Variants in SCNN1A observed in about 807,000 individuals in gnomAD.
SCNN1A encodes the protein sodium channel epithelial 1 subunit alpha.
In SCNN1A, 65 loss-of-function variants were observed where a neutral mutation model predicts 68.6. That is an observed-to-expected ratio of 0.95 (90% CI 0.78 to 1.16). The LOEUF is 1.16. SCNN1A is among the 50% of genes most tolerant of loss of function. The pLI is 0.00. For synonymous variants in SCNN1A, 357 were observed against 353.3 expected (o/e 1.01, Z -0.12); for missense variants, 880 against 865.9 (o/e 1.02, Z -0.20).
At position 6,374,193 on chromosome 12, in the gene SCNN1A, C is replaced by T. The variant is rs1436210190; in HGVS notation, c.416+175G>A. 6.6e-6 allele frequency among the ~76,000 whole-genome samples: 1 copy of T among 152,190 alleles called. No homozygotes were observed. The highest frequency in any genetic ancestry group is 1.5e-5 in the Non-Finnish European group (1 of 68,028). On this transcript the variant is annotated intron_variant, in intron 2 of 12. Transcript: ENST00000228916. The surrounding 1 kb of genome is among the most constrained non-coding windows in gnomAD (Gnocchi z 6.2). ...CTAGGATGGCTCCACTGGGCAGGGACGCCAGTCCAGTAAGCTGGAGGCTCC... is the reference window on the plus strand; with the variant it reads ...CTAGGATGGCTCCACTGGGCAGGGATGCCAGTCCAGTAAGCTGGAGGCTCC...
In SCNN1A at chr12:6,348,201, G is replaced by A. The variant is rs1419350836; in HGVS notation, c.1682C>T (p.Ser561Phe). 6.2e-7 allele frequency: 1 copy of A among 1,614,122 alleles called. No homozygotes were observed. The highest frequency in any genetic ancestry group is 1.7e-5 in the Admixed American group (1 of 60,020). The change falls in exon 13 of 13, where the codon TCC becomes TTC. Residue 561 changes from serine (S) to phenylalanine (F), a missense_variant. Physicochemically the swap from Ser to Phe is radical, Grantham distance 155. Coordinates refer to ENST00000228916, the MANE Select transcript of SCNN1A (RefSeq NM_001038.6). ...LGSQWSLWFG[S>F]SVLSVVEMAE... ...CATCTCCACCACAGACAACACCGAG[G>A]AGCCGAACCACAGGCTCCACTGGCT...
chr12:6,372,534 C>T lies in SCNN1A; in HGVS notation c.416+1834G>A, dbSNP rs142329200. 3.9e-4 allele frequency among the ~76,000 whole-genome samples: 60 copies of T among 152,362 alleles called. No homozygotes were observed. Among genetic ancestry groups the T allele is most frequent in the African/African-American group, 1.3e-3 (56 of 41,588 alleles). ...GGCAGGGCTTATGGCTTCCTTTCCC[C>T]GGCTTTTTCCTGGACTGTCTAGGGC... On this transcript the variant is annotated intron_variant, in intron 2 of 12. Transcript: ENST00000228916. This position sits in a 1 kb window ranked among gnomAD's most constrained non-coding sequence, Gnocchi z 5.8.
intron 4 of SCNN1A, among the ~76,000 whole-genome samples, chr12:6,360,083 A>G (rs1246217690): frequency 6.6e-6 from 1 of 152,166 alleles, no homozygotes; most frequent in East Asian, 1.9e-4. Context: ...ATATTCCTTT[A>G]TAGCAACACA....
At chr12:6,373,139 T>TTTC (rs1555114939) in intron 2 of SCNN1A, among the ~76,000 whole-genome samples, 2 of 151,944 alleles carry the variant, frequency 1.3e-5, no homozygotes, top group Admixed American at 1.3e-4. Context: ...GCTTTTTTTT[T>TTTC]TCTCTCTCTC....
chr12:6,355,782 T>C lies in SCNN1A; in HGVS notation c.974A>G (p.Asn325Ser), dbSNP rs1438980604. 6 of 1,607,404 alleles carry C rather than the reference T, an allele frequency of 3.7e-6. No individual in the cohort carries two copies. The Admixed American group carries it at 5.0e-5, about 13-fold the overall frequency. ...GCAAGCAGGGAGCTTCTCACCGTTG[T>C]TGATTCCAGGCATGGAAGACATCCA... ...NLWMSSMPGI[N>S]NGLSLMLRAE... Residue 325 changes from asparagine (N) to serine (S), a missense_variant, in exon 5 of 13, where the codon AAC (asparagine) becomes AGC (serine). Around this residue, in one of 3 missense-constraint regions of SCNN1A, gnomAD observed 758 missense variants for 721.8 expected, o/e 1.05. Coordinates refer to ENST00000228916, the MANE Select transcript of SCNN1A (RefSeq NM_001038.6).
intron 2 of SCNN1A, among the ~76,000 whole-genome samples, chr12:6,365,026 C>CTT (rs56408845): frequency 0.24 from 32,583 of 136,554 alleles, 4,134 homozygotes; most frequent in South Asian, 0.35. Context: ...AAAATTCCAG[C>CTT]TTTTTTTTTT....
chr12:6,350,510 C>G (rs1335028344), intron 8 of SCNN1A, among the ~76,000 whole-genome samples: 1 of 151,128 alleles, frequency 6.6e-6, no homozygotes, highest in African/African-American at 2.4e-5. Context: ...AATAAGATAC[C>G]ACTTCACACC....
chr12:6,351,191 A>T lies in SCNN1A; in HGVS notation c.1361-1786T>A, dbSNP rs556322227. ...GGTAAACAAAGTGTGGTCTATCCAT[A>T]CAAGGGAGTGTTGTTATTCAGCCAT... is the stretch of plus-strand genomic sequence containing the variant. On this transcript the variant is annotated intron_variant, in intron 8 of 12. Transcript: ENST00000228916. The surrounding 1 kb of genome is among the most constrained non-coding windows in gnomAD (Gnocchi z 4.2). Among the ~76,000 whole-genome samples, 1 of 152,388 alleles carries T rather than the reference A, an allele frequency of 6.6e-6. No individual in the cohort carries two copies. The highest frequency in any genetic ancestry group is 2.4e-5 in the African/African-American group (1 of 41,588).
At chr12:6,369,330 GCCACCCTACGCA>G (rs1948741028) in intron 2 of SCNN1A, among the ~76,000 whole-genome samples, 1 of 150,040 alleles carries the variant, frequency 6.7e-6, no homozygotes, top group Non-Finnish European at 1.5e-5. Context: ...CCTCCCTCCT[GCCACCCTACGCA>G]CCTCCCTCCT....
At chr12:6,369,798 C>T (rs1029251507) in intron 2 of SCNN1A, among the ~76,000 whole-genome samples, 8 of 146,052 alleles carry the variant, frequency 5.5e-5, no homozygotes, top group African/African-American at 1.8e-4. Flanking sequence ...CCCACCACTG[C>T]ACTCCAGCCT....
chr12:6,354,431 G>A lies in SCNN1A; in HGVS notation c.1360+7C>T. ...TGGGGCAGGGTGGGGGCTCCCTGGA[G>A]TCTCACCCCAGGAACTGTGCTTTCT... On this transcript the variant is annotated splice_region_variant and intron_variant, in intron 8 of 12. Coordinates refer to ENST00000228916, the MANE Select transcript of SCNN1A (RefSeq NM_001038.6). 2 of 1,597,192 alleles carry A rather than the reference G, an allele frequency of 1.3e-6. No individual in the cohort carries two copies. The highest frequency in any genetic ancestry group is 1.7e-6 in the Non-Finnish European group (2 of 1,166,076).
intron 2 of SCNN1A, among the ~76,000 whole-genome samples, chr12:6,366,437 A>G (rs537472344): frequency 6.6e-6 from 1 of 152,354 alleles, no homozygotes; most frequent in East Asian, 1.9e-4. Context: ...GAAGGAATGT[A>G]GGGATTTACA....
chr12:6,375,236 T>C, intron 1 of SCNN1A: 1 of 1,437,404 alleles, frequency 7.0e-7, no homozygotes, highest in Non-Finnish European at 9.1e-7. Flanking sequence ...TCTTTGGGTC[T>C]CTCCTGCTCT....
intron 1 of SCNN1A, 64 bp downstream of exon 1, chr12:6,375,441 C>T (rs1049241325): frequency 2.1e-4 from 315 of 1,534,050 alleles, no homozygotes; most frequent in Non-Finnish European, 2.5e-4. Flanking sequence ...TCCCAGGTTG[C>T]GGCTGGACTG....
intron 3 of SCNN1A, 32 bp downstream of exon 3, chr12:6,363,411 C>T (rs979813812): frequency 2.0e-6 from 3 of 1,486,424 alleles, no homozygotes; most frequent in African/African-American, 2.9e-5. Context: ...CGGCGAGGGG[C>T]GGGGCGGGCC....
At position 6,348,055 on chromosome 12, in the gene SCNN1A, C is replaced by T; in HGVS notation, c.1828G>A (p.Ala610Thr). The T allele has an allele frequency of 1.9e-6, 3 of 1,612,486 alleles. No homozygotes were observed. Among genetic ancestry groups the T allele is most frequent in the Non-Finnish European group, 2.5e-6 (3 of 1,179,260 alleles). Residue 610 changes from alanine to threonine, a missense_variant, in exon 13 of 13, where the codon GCA becomes ACA. Transcript: ENST00000228916. ...CAGAAGTGGGAAGGAGGGGAGGATGCCAGGGTGGAGGCTACCTCCTGAGCA... is the reference window on the plus strand; with the variant it reads ...CAGAAGTGGGAAGGAGGGGAGGATGTCAGGGTGGAGGCTACCTCCTGAGCA... Reference protein sequence around the residue: ...RGAQEVASTLASSPPSHFCPH... With the variant: ...RGAQEVASTLTSSPPSHFCPH...
intron 8 of SCNN1A, 110 bp downstream of exon 8, chr12:6,354,328 C>T (rs1267464421): frequency 5.2e-6 from 4 of 767,770 alleles, no homozygotes; most frequent in African/African-American, 5.1e-5. Context: ...GGATTCATCC[C>T]AGCAGGTGGG....
rs763345732 is a variant in SCNN1A at position 6,374,567 on chromosome 12, G to A, written c.217C>T (p.Arg73Cys). Reference sequence around the variant, plus strand: ...CGGTTGTGCTGGGAGCACACCAGGCGGATGGCGCCGTGGATGGTGGTGTTG... The same window carrying A: ...CGGTTGTGCTGGGAGCACACCAGGCAGATGGCGCCGTGGATGGTGGTGTTG... ...CNNTTIHGAI[R>C]LVCSQHNRMK... is the part of the protein sequence containing the mutation. Residue 73 changes from arginine to cysteine, a missense_variant, in exon 2 of 13, where the codon CGC becomes TGC. Transcript: ENST00000228916. The surrounding 1 kb of genome is among the most constrained non-coding windows in gnomAD (Gnocchi z 6.2). The A allele has an allele frequency of 6.2e-7, 1 of 1,614,150 alleles. No homozygotes were observed. The highest frequency in any genetic ancestry group is 1.1e-5 in the South Asian group (1 of 91,076).
chr12:6,363,882 A>T, intron 2 of SCNN1A, 172 bp from the exon 3 acceptor site: 16 of 381,230 alleles, frequency 4.2e-5, no homozygotes, highest in East Asian at 1.5e-4. Context: ...AAGGGTAAAC[A>T]GGTGTGTCCG....
Sources: allele counts gnomAD v4.1 joint callset (sites outside exome capture counted in the v4.1 genomes callset), GRCh38; gene constraint gnomAD v4.1.1; regional missense constraint gnomAD v4.1.1; non-coding constraint Gnocchi (gnomAD v3.1); transcripts MANE v1.5; gene names NCBI Gene and HGNC (gene_info 2026-07-23, HGNC 2026-07-21).